MTMR14: variants seen among roughly 807,000 people sequenced by gnomAD.
The protein encoded by MTMR14 is myotubularin related protein 14.
In MTMR14, 48 loss-of-function variants were observed where a neutral mutation model predicts 86.3. The ratio of observed to expected loss-of-function variants is 0.56; its 90% CI spans 0.44 to 0.71. The LOEUF (loss-of-function observed/expected upper bound fraction) is 0.71. Ranked by LOEUF, MTMR14 falls within the 30% of genes least tolerant of loss-of-function variation. The probability of loss-of-function intolerance (pLI) is 0.00; values close to 1 mark genes in which losing one functional copy is unlikely to be tolerated. For missense variants in MTMR14, 780 were observed against 834.6 expected, an observed-to-expected ratio of 0.93 and a Z score of 0.81; for synonymous variants, 366 against 326.1, an observed-to-expected ratio of 1.12 and a Z score of -1.32.
Position 9,701,944 on chromosome 3 carries a change from C to T in MTMR14, c.1924C>T (p.Leu642Phe). ...LLEQFARGVG[L>F]RSISSNAL ...GGAGCAATTTGCCCGTGGTGTTGGA[C>T]TCCGGAGCATCAGCAGCAATGCCTT... The change falls in exon 19 of 19, where the codon CTC (leucine) becomes TTC (phenylalanine). Residue 642 changes from leucine to phenylalanine, a missense_variant. Physicochemically the swap from Leu to Phe is conservative, Grantham distance 22. Coordinates refer to ENST00000296003, the MANE Select transcript of MTMR14 (RefSeq NM_001077525.3). The surrounding 1 kb of genome is among the most constrained non-coding windows in gnomAD (Gnocchi z 4.2). The T allele has an allele frequency of 6.2e-7, 1 of 1,614,222 alleles. No individual in the cohort carries two copies. The highest frequency in any genetic ancestry group is 1.1e-5 in the South Asian group (1 of 91,086).
chr3:9,666,215 C>T (rs746995578), intron 3 of MTMR14, among the ~76,000 whole-genome samples: 5 of 148,714 alleles, frequency 3.4e-5, no homozygotes, highest in Non-Finnish European at 7.4e-5. Context: ...CTCACTGTAA[C>T]CTCTGCCTCC....
chr3:9,671,016 A>T, intron 5 of MTMR14, 32 bp from the exon 6 acceptor site: 1 of 1,613,862 alleles, frequency 6.2e-7, no homozygotes, highest in Non-Finnish European at 8.5e-7. Context: ...TGAACATGCC[A>T]TGTAACTTCT....
At chr3:9,693,127 AC>A (rs2076182923) in intron 17 of MTMR14, among the ~76,000 whole-genome samples, 1 of 152,198 alleles carries the variant, frequency 6.6e-6, no homozygotes, top group South Asian at 2.1e-4. Context: ...CACATTTCAA[AC>A]TGACCGAAAC....
At chr3:9,663,633 C>A (rs1223605190) in intron 3 of MTMR14, among the ~76,000 whole-genome samples, 1 of 150,616 alleles carries the variant, frequency 6.6e-6, no homozygotes, top group East Asian at 2.0e-4. Flanking sequence ...CCTGCCTTAG[C>A]CTCCCGAGTA....
rs774496517 is a variant in MTMR14, at chr3:9,700,821, C to CT, written c.1770-953dup. Reference sequence around the variant, plus strand: ...AAGGCTGGGGCCTTTTTTTTCTTTTCTTTTTTTTTTTTTTTTAGACACAGT... The same window carrying CT: ...AAGGCTGGGGCCTTTTTTTTCTTTTCTTTTTTTTTTTTTTTTTAGACACAGT... On this transcript the variant is annotated intron_variant, in intron 18 of 18. Transcript: ENST00000296003. The CT allele has an allele frequency of 5.0e-3, 687 of 137,712 alleles. 5 individuals are homozygous for CT. Among genetic ancestry groups the CT allele is most frequent in the African/African-American group, 8.3e-3 (314 of 37,638 alleles). The allele number at this position is 137,712 out of a possible 1,614,324, so 8.5% of individuals were successfully genotyped here. A position where few individuals can be genotyped will look rare whatever the true frequency, so the allele number is the denominator to read the frequency against.
chr3:9,689,554 A>C (rs1368087976), intron 16 of MTMR14, among the ~76,000 whole-genome samples: 1 of 152,162 alleles, frequency 6.6e-6, no homozygotes, highest in Non-Finnish European at 1.5e-5. Context: ...CAAAGTCCTG[A>C]GTGGTGGCTT....
At position 9,649,699 on chromosome 3, in the gene MTMR14, C is replaced by G; in HGVS notation, c.116C>G (p.Thr39Ser). Residue 39 changes from threonine to serine, a missense_variant, in exon 1 of 19, where the codon ACT becomes AGT. Thr to Ser is a moderately conservative substitution (Grantham distance 58). Coordinates refer to ENST00000296003, the MANE Select transcript of MTMR14 (RefSeq NM_001077525.3). ...GAGCTGCTGGAGGAGTTCTCCCGGA[C>G]TCAGTACCGGGCCAAGGATGGCAGC... Reference protein sequence around the residue: ...LGELLEEFSRTQYRAKDGSGT... With the variant: ...LGELLEEFSRSQYRAKDGSGT... 1 of 1,612,520 alleles carries G rather than the reference C, an allele frequency of 6.2e-7. No homozygotes were observed. The highest frequency in any genetic ancestry group is 8.5e-7 in the Non-Finnish European group (1 of 1,179,472).
At chr3:9,697,550 C>T (rs2076318656) in intron 17 of MTMR14, among the ~76,000 whole-genome samples, 161 bp from the exon 18 acceptor site, 1 of 152,142 alleles carries the variant, frequency 6.6e-6, no homozygotes, top group African/African-American at 2.4e-5. Context: ...TCTTTTTTCT[C>T]GGTCACTACT....
intron 2 of MTMR14, among the ~76,000 whole-genome samples, chr3:9,656,425 TTTC>T (rs1023870613): frequency 2.8e-5 from 4 of 141,436 alleles, no homozygotes; most frequent in African/African-American, 6.2e-5. Flanking sequence ...GTAAGCTTAG[TTTC>T]TTTTTTTTTT....
chr3:9,654,534 G>A (rs1008344884), intron 2 of MTMR14, among the ~76,000 whole-genome samples: 8 of 152,198 alleles, frequency 5.3e-5, no homozygotes, highest in Non-Finnish European at 1.2e-4. Context: ...ATACTGATAA[G>A]TAATCACAGC....
rs181468125 is a variant in MTMR14, at chr3:9,697,732, C to G, written c.1635C>G (p.Pro545=). ...PKPRSVDHPL[P]GSSLSTDYGS... is the part of the protein sequence containing the mutation. ...CCAGATCAGTGGACCATCCCCTGCC[C>G]GGATCCTCTCTCTCCACAGACTATG... is the stretch of plus-strand genomic sequence containing the variant. The change falls in exon 18 of 19, where the codon CCC becomes CCG. Residue 545 remains proline (P), a synonymous_variant. Transcript: ENST00000296003. 6 of 1,614,110 alleles carry G rather than the reference C, an allele frequency of 3.7e-6. No individual in the cohort carries two copies. Among genetic ancestry groups the G allele is most frequent in the African/African-American group, 1.3e-5 (1 of 75,028 alleles).
chr3:9,681,169 G>A (rs2075756469), intron 9 of MTMR14, among the ~76,000 whole-genome samples: 1 of 152,180 alleles, frequency 6.6e-6, no homozygotes, highest in South Asian at 2.1e-4. Flanking sequence ...GAGGCTTACT[G>A]AATGAATGAA....
intron 1 of MTMR14, among the ~76,000 whole-genome samples, chr3:9,651,805 A>G (rs1191269130): frequency 6.7e-6 from 1 of 149,426 alleles, no homozygotes; most frequent in Non-Finnish European, 1.5e-5. Context: ...AGCTGGGACT[A>G]CAGGCATGCA....
At chr3:9,656,048 A>T (rs2047581592) in intron 2 of MTMR14, among the ~76,000 whole-genome samples, 1 of 152,020 alleles carries the variant, frequency 6.6e-6, no homozygotes, top group Admixed American at 6.6e-5. Context: ...TACAAAAATT[A>T]GCTGGGTGTG....
chr3:9,658,320 A>G (rs1232299285), intron 2 of MTMR14, among the ~76,000 whole-genome samples: 4 of 152,228 alleles, frequency 2.6e-5, no homozygotes, highest in Non-Finnish European at 2.9e-5. Context: ...TGGTCCTGTT[A>G]AGGAACCTCT....
At chr3:9,686,198 C>T (rs1190569636) in intron 13 of MTMR14, among the ~76,000 whole-genome samples, 3 of 152,210 alleles carry the variant, frequency 2.0e-5, no homozygotes, top group Non-Finnish European at 2.9e-5. Flanking sequence ...GGCTGTAGAG[C>T]TCTAAGCCTA....
chr3:9,675,116 C>T (rs928386769), intron 7 of MTMR14, among the ~76,000 whole-genome samples: 13 of 151,964 alleles, frequency 8.6e-5, no homozygotes, highest in Non-Finnish European at 1.8e-4. Flanking sequence ...CGTCTCAAAA[C>T]AAAAATAAAA....
At chr3:9,690,904 C>T (rs1324373174) in intron 17 of MTMR14, among the ~76,000 whole-genome samples, 1 of 152,198 alleles carries the variant, frequency 6.6e-6, no homozygotes, top group Non-Finnish European at 1.5e-5. Context: ...GAAGAATGGG[C>T]ATGAGCTTTG....
At position 9,678,157 on chromosome 3, in the gene MTMR14, TG is replaced by T. The variant is rs1293313184; in HGVS notation, c.897+102del. The T allele has an allele frequency of 1.8e-5, 22 of 1,241,072 alleles. No homozygotes were observed. The African/African-American group carries it at 3.0e-4, about 17-fold the overall frequency. The allele number at this position is 1,241,072 out of a possible 1,614,324, so 76.9% of individuals were successfully genotyped here. ...ACAAGGCCCTCGTGTGTTTGCCTGA[TG>T]GGCTGGCTTGTGCACTCAGATGCCT... On this transcript the variant is annotated intron_variant, in intron 9 of 18. Transcript: ENST00000296003.
Sources: allele counts gnomAD v4.1 joint callset (sites outside exome capture counted in the v4.1 genomes callset), GRCh38; gene constraint gnomAD v4.1.1; non-coding constraint Gnocchi (gnomAD v3.1); transcripts MANE v1.5; gene names NCBI Gene and HGNC (gene_info 2026-07-23, HGNC 2026-07-21).